Variants in CFAP74 observed in about 807,000 individuals in gnomAD.
The protein encoded by CFAP74 is cilia and flagella associated protein 74, also known as cilia- and flagella-associated protein 74.
In CFAP74, 124 loss-of-function variants were observed where a neutral mutation model predicts 188.9. That is an observed-to-expected ratio of 0.66 (90% CI 0.57 to 0.76). The LOEUF (loss-of-function observed/expected upper bound fraction) is 0.76. Ranked by LOEUF, CFAP74 falls within the 30% of genes least tolerant of loss-of-function variation. The pLI, the probability that CFAP74 is intolerant of heterozygous loss-of-function variation, is 0.00. For synonymous variants in CFAP74, 956 were observed against 916.7 expected (o/e 1.04, Z -0.77); for missense variants, 2,198 against 2,165.2 (o/e 1.02, Z -0.30).
At chr1:1,958,903 A>G (rs1211979693) in intron 16 of CFAP74, among the ~76,000 whole-genome samples, 1 of 152,056 alleles carries the variant, frequency 6.6e-6, no homozygotes, top group Non-Finnish European at 1.5e-5. Context: ...TTTTTCCAGC[A>G]CTGGTCCGAG....
intron 16 of CFAP74, 52 bp from the exon 17 acceptor site, chr1:1,956,836 T>C: frequency 6.3e-7 from 1 of 1,583,554 alleles, no homozygotes. Flanking sequence ...GCCCACAGGG[T>C]GCCCAGCGTG....
chr1:1,948,976 C>T (rs371046168), intron 18 of CFAP74, among the ~76,000 whole-genome samples: 139 of 103,682 alleles, frequency 1.3e-3, no homozygotes, highest in African/African-American at 4.5e-3. Context: ...CTTCCTCCTT[C>T]CCTCCCTCCT....
At chr1:1,925,991 G>A (rs1313922038) in intron 32 of CFAP74, 53 bp from the exon 33 acceptor site, 5 of 1,518,488 alleles carry the variant, frequency 3.3e-6, no homozygotes, top group East Asian at 2.4e-5. Flanking sequence ...GAGCCACGAG[G>A]GGAGCTCTGC....
At chr1:2,001,432 C>G (rs1282721090) in intron 1 of CFAP74, among the ~76,000 whole-genome samples, 1 of 151,920 alleles carries the variant, frequency 6.6e-6, no homozygotes, top group Non-Finnish European at 1.5e-5. Flanking sequence ...TGGGTTCACG[C>G]CATTCTCCTG....
At chr1:1,932,094 C>CTT in intron 25 of CFAP74, among the ~76,000 whole-genome samples, 1 of 102,232 alleles carries the variant, frequency 9.8e-6, no homozygotes, top group East Asian at 3.1e-4. Flanking sequence ...AAACAAAAAA[C>CTT]AAAAAACTTA....
chr1:1,945,175 T>G (rs1222639471), intron 20 of CFAP74, among the ~76,000 whole-genome samples: 2 of 151,764 alleles, frequency 1.3e-5, no homozygotes, highest in African/African-American at 2.4e-5. Context: ...GGCATGGTGG[T>G]GTGTGCCTGT....
At chr1:1,993,849 G>A (rs1026963155) in intron 1 of CFAP74, among the ~76,000 whole-genome samples, 14 of 151,266 alleles carry the variant, frequency 9.3e-5, no homozygotes, top group South Asian at 4.2e-4. Context: ...GGGCGTGGTG[G>A]CGGGCGCCTA....
Position 1,939,706 on chromosome 1 carries a change from G to T in CFAP74, c.2765C>A (p.Pro922His). 1 of 1,536,100 alleles carries T rather than the reference G, an allele frequency of 6.5e-7. No individual in the cohort carries two copies. The highest frequency in any genetic ancestry group is 8.7e-7 in the Non-Finnish European group (1 of 1,146,878). ...GCAGTAGCCAAAATCCACCTCCGAG[G>T]GACTGAGCTCCAGGTCCGAGGTGGT... ...IVTTSDLELS[P>H]SEVDFGYCTI... Residue 922 changes from proline to histidine, a missense_variant, in exon 24 of 39, where the codon CCC becomes CAC. By Grantham distance (77) the Pro-to-His change is moderately conservative. Coordinates refer to ENST00000682832, the MANE Select transcript of CFAP74 (RefSeq NM_001304360.2).
intron 23 of CFAP74, 114 bp from the exon 24 acceptor site, chr1:1,939,881 C>T: frequency 9.8e-7 from 1 of 1,023,438 alleles, no homozygotes; most frequent in South Asian, 1.5e-5. Flanking sequence ...CCACTGTTTC[C>T]AGGACACGAC....
intron 19 of CFAP74, among the ~76,000 whole-genome samples, chr1:1,946,752 C>T (rs1416829366): frequency 1.3e-5 from 2 of 152,230 alleles, no homozygotes; most frequent in African/African-American, 4.8e-5. Context: ...TGCCCCACAC[C>T]CGGGAAACAA....
intron 6 of CFAP74, among the ~76,000 whole-genome samples, chr1:1,981,328 G>A (rs1160292190): frequency 2.0e-5 from 3 of 152,174 alleles, no homozygotes; most frequent in Non-Finnish European, 4.4e-5. Context: ...AGAGGGAGGG[G>A]GCGCTGCCTC....
In CFAP74 at chr1:1,923,142, C is replaced by T. The variant is rs1409188341; in HGVS notation, c.4526G>A (p.Ser1509Asn). Residue 1509 changes from serine to asparagine, a missense_variant, in exon 37 of 39, where the codon AGC (serine) becomes AAC (asparagine). Transcript: ENST00000682832. The surrounding 1 kb of genome is among the most constrained non-coding windows in gnomAD (Gnocchi z 6.3). The stretch of plus-strand genomic sequence containing the variant: ...TGGAGAGAGAGGGCCTGGCCGGGAG[C>T]TGGCTGGAGGGGTGTGGCCAGGGGA... ...PVFDPRHREASSRPGPLSPEA... is the reference protein window; with the variant it reads ...PVFDPRHREANSRPGPLSPEA... 8.7e-6 allele frequency: 14 copies of T among 1,607,222 alleles called. No homozygotes were observed. The highest frequency in any genetic ancestry group is 1.1e-5 in the South Asian group (1 of 90,434).
At chr1:1,976,778 G>C (rs147775385) in intron 6 of CFAP74, among the ~76,000 whole-genome samples, 1 of 150,952 alleles carries the variant, frequency 6.6e-6, no homozygotes, top group African/African-American at 2.4e-5. Context: ...CCTGACCTCA[G>C]GTGATCTGCC....
At chr1:1,938,748 G>A (rs1344456723) in intron 25 of CFAP74, 107 bp downstream of exon 25, 1 of 1,326,536 alleles carries the variant, frequency 7.5e-7, no homozygotes, top group Non-Finnish European at 1.0e-6. Flanking sequence ...CCTGTGGTCA[G>A]CCAGGCAGAT....
At position 1,923,978 on chromosome 1, in the gene CFAP74, G is replaced by C; in HGVS notation, c.4235-49C>G. The C allele has an allele frequency of 2.6e-6, 4 of 1,568,006 alleles. No homozygotes were observed. The highest frequency in any genetic ancestry group is 3.5e-6 in the Non-Finnish European group (4 of 1,154,874). ...TTGGCCTTCTCCACCTGCAATCACT[G>C]TCTGCCCTCCAAGCCTTGCTGCATA... is the stretch of plus-strand genomic sequence containing the variant. On this transcript the variant is annotated intron_variant, in intron 34 of 38. Transcript: ENST00000682832. This position sits in a 1 kb window ranked among gnomAD's most constrained non-coding sequence, Gnocchi z 6.3.
At chr1:1,983,370 CA>C (rs1233765715) in intron 6 of CFAP74, among the ~76,000 whole-genome samples, 1 of 152,152 alleles carries the variant, frequency 6.6e-6, no homozygotes, top group Non-Finnish European at 1.5e-5. Context: ...CTGAAGAAGC[CA>C]GCGGCCCCAC....
In CFAP74 at chr1:1,922,974, G is replaced by A. The variant is rs370395428; in HGVS notation, c.4683+11C>T. 6 of 1,569,792 alleles carry A rather than the reference G, an allele frequency of 3.8e-6. No homozygotes were observed. The highest frequency in any genetic ancestry group is 1.4e-5 in the African/African-American group (1 of 73,158). The stretch of plus-strand genomic sequence containing the variant: ...GCTGCCTGGTGTCCCCAGGGGCAGT[G>A]CTGTGGGCACCTTCTTTGGAGATGG... On this transcript the variant is annotated intron_variant, in intron 37 of 38. Transcript: ENST00000682832.
intron 11 of CFAP74, among the ~76,000 whole-genome samples, chr1:1,967,246 T>C (rs17715950): frequency 0.22 from 33,165 of 152,182 alleles, 3,824 homozygotes; most frequent in East Asian, 0.26. Flanking sequence ...GAGCCTTGCC[T>C]ATCTGCTCTG....
rs764524061 is a variant in CFAP74, at chr1:1,938,777, G to A, written c.3011+78C>T. On this transcript the variant is annotated intron_variant, in intron 25 of 38. Transcript: ENST00000682832. ...GGCAGATGGGGTCAGGGGCGGGGAT[G>A]TGGTGGAGCTGGGAAGGGGGGCCCC... 977 of 1,466,510 alleles carry A rather than the reference G, an allele frequency of 6.7e-4. 2 individuals are homozygous for A. The highest frequency in any genetic ancestry group is 8.5e-4 in the Non-Finnish European group (929 of 1,093,686). 90.8% of individuals were successfully genotyped at this position (1,466,510 alleles called of 1,614,324 possible).
Sources: gnomAD v4.1 joint callset for allele counts (sites outside exome capture counted in the v4.1 genomes callset) on GRCh38, gnomAD v4.1.1 for gene constraint, Gnocchi (gnomAD v3.1) non-coding constraint, MANE v1.5 for transcripts, NCBI Gene and HGNC (gene_info 2026-07-23, HGNC 2026-07-21) for gene names.